SLC24A2: variants seen among roughly 807,000 people sequenced by gnomAD.
SLC24A2 encodes the protein solute carrier family 24 member 2.
A neutral mutation model predicts 62.0 loss-of-function variants in SLC24A2; 36 were observed. That is an observed-to-expected ratio of 0.58 (90% CI 0.44 to 0.77). The LOEUF (loss-of-function observed/expected upper bound fraction) is 0.77, where lower values mean the gene tolerates loss of function less well. Among genes scored for constraint, SLC24A2 ranks in the 30% least tolerant of loss-of-function variants. The pLI is 0.00. For synonymous variants in SLC24A2, 358 were observed against 294.0 expected (o/e 1.22, Z -2.23); for missense variants, 846 against 817.9 (o/e 1.03, Z -0.42).
chr9:20,022,070 C>T, the SLC24A2 span, among the ~76,000 whole-genome samples: 25 of 152,142 alleles, frequency 1.6e-4, no homozygotes, highest in Non-Finnish European at 1.9e-4. Flanking sequence ...ATACATTTTT[C>T]CTTCTTCAAT....
the SLC24A2 span, among the ~76,000 whole-genome samples, chr9:20,104,724 A>G: frequency 2.8e-3 from 428 of 152,310 alleles, no homozygotes; most frequent in African/African-American, 9.7e-3. Flanking sequence ...AGGAACAACC[A>G]GTACCAGCCA....
chr9:19,734,803 C>T (rs151315072), intron 2 of SLC24A2, among the ~76,000 whole-genome samples: 2,159 of 152,004 alleles, frequency 0.014, 23 homozygotes, highest in Non-Finnish European at 0.021. Flanking sequence ...GGTTTTCTAG[C>T]CATATGTAGA....
chr9:20,024,831 G>C, the SLC24A2 span, among the ~76,000 whole-genome samples: 1 of 152,096 alleles, frequency 6.6e-6, no homozygotes, highest in African/African-American at 2.4e-5. Flanking sequence ...AGCCTAAAGA[G>C]ATTTTGGACT....
intron 2 of SLC24A2, among the ~76,000 whole-genome samples, chr9:19,766,652 G>A (rs1438599868): frequency 6.6e-6 from 1 of 152,218 alleles, no homozygotes; most frequent in East Asian, 1.9e-4. Flanking sequence ...ATTGATGCCT[G>A]CTCCTTCTGG....
At chr9:19,667,375 G>A (rs1819284762) in intron 2 of SLC24A2, among the ~76,000 whole-genome samples, 1 of 152,080 alleles carries the variant, frequency 6.6e-6, no homozygotes, top group East Asian at 1.9e-4. Flanking sequence ...TGATTCCATT[G>A]CCCAACCAGA....
chr9:19,989,871 T>A, the SLC24A2 span, among the ~76,000 whole-genome samples: 1 of 152,124 alleles, frequency 6.6e-6, no homozygotes, highest in African/African-American at 2.4e-5. Flanking sequence ...ATTTCCACTA[T>A]AGAAGCAGGT....
At chr9:19,829,066 G>A in the SLC24A2 span, among the ~76,000 whole-genome samples, 8 of 151,826 alleles carry the variant, frequency 5.3e-5, no homozygotes, top group Admixed American at 4.6e-4. Context: ...CCCTTTGCTC[G>A]AACTCCTTTT....
At position 19,544,864 on chromosome 9, in the gene SLC24A2, T is replaced by G. The variant is rs569858771; in HGVS notation, c.1479+5273A>C. On this transcript the variant is annotated intron_variant, in intron 8 of 10. Coordinates refer to ENST00000341998, the MANE Select transcript of SLC24A2 (RefSeq NM_020344.4). Reference sequence around the variant, plus strand: ...CTCTCTGGCTGCCCTTAACAATTTTTCCTTCATTTCAACTTTGGTGAATCT... The same window carrying G: ...CTCTCTGGCTGCCCTTAACAATTTTGCCTTCATTTCAACTTTGGTGAATCT... Among the ~76,000 whole-genome samples the G allele has an allele frequency of 1.2e-3, 182 of 152,336 alleles. 1 individual carries two copies. The highest frequency in any genetic ancestry group is 4.1e-3 in the African/African-American group (171 of 41,586).
At chr9:20,165,101 T>A in the SLC24A2 span, among the ~76,000 whole-genome samples, 1 of 151,534 alleles carries the variant, frequency 6.6e-6, no homozygotes, top group Non-Finnish European at 1.5e-5. Flanking sequence ...AACCTGCACA[T>A]TGTGCACATG....
In SLC24A2 at chr9:19,697,968, A is replaced by G. The variant is rs79435694; in HGVS notation, c.931-75669T>C. On this transcript the variant is annotated intron_variant, in intron 2 of 10. Transcript: ENST00000341998. The stretch of plus-strand genomic sequence containing the variant: ...TAAATATATATTAAGACCATGGCCA[A>G]TAACAAAACAAAACAAAAATGAACA... 9.8e-3 allele frequency among the ~76,000 whole-genome samples: 1,492 copies of G among 152,296 alleles called. 7 individuals carry two copies. The highest frequency in any genetic ancestry group is 0.042 in the South Asian group (203 of 4,822).
rs1836441667 is a variant in SLC24A2, at chr9:19,588,499, TAG to T, written c.1129+8728_1129+8729del. Among the ~76,000 whole-genome samples the T allele has an allele frequency of 3.3e-5, 5 of 152,286 alleles. 1 individual carries two copies. In the South Asian group the frequency reaches 1.0e-3, roughly 32 times the overall value. On this transcript the variant is annotated intron_variant, in intron 5 of 10. Coordinates refer to ENST00000341998, the MANE Select transcript of SLC24A2 (RefSeq NM_020344.4). The stretch of plus-strand genomic sequence containing the variant: ...AGGAAATCGGCCTTGTCATTTAATT[TAG>T]AGAGGTCAAATACCTCTACCATAAC...
chr9:20,228,918 C>A, the SLC24A2 span, among the ~76,000 whole-genome samples: 1 of 152,052 alleles, frequency 6.6e-6, no homozygotes, highest in African/African-American at 2.4e-5. Flanking sequence ...GATGCAGATT[C>A]TTCTAGGAGT....
the SLC24A2 span, among the ~76,000 whole-genome samples, chr9:20,061,582 C>T: frequency 2.0e-5 from 3 of 152,184 alleles, no homozygotes; most frequent in African/African-American, 4.8e-5. Context: ...CCACTGCACT[C>T]AGCCAGTCAA....
the SLC24A2 span, among the ~76,000 whole-genome samples, chr9:20,143,102 T>TA: frequency 2.0e-5 from 3 of 152,236 alleles, no homozygotes; most frequent in African/African-American, 7.2e-5. Flanking sequence ...CTGCTGATTC[T>TA]AAAAATCTGT....
the SLC24A2 span, among the ~76,000 whole-genome samples, chr9:20,229,805 C>A: frequency 4.6e-5 from 7 of 151,752 alleles, no homozygotes; most frequent in Non-Finnish European, 1.0e-4. Flanking sequence ...CATACGTGTA[C>A]ATGTGTCATG....
the SLC24A2 span, among the ~76,000 whole-genome samples, chr9:19,857,757 T>TC: frequency 7.5e-6 from 1 of 132,498 alleles, no homozygotes; most frequent in South Asian, 2.3e-4. Flanking sequence ...TTTTTTTTTT[T>TC]TTTGGTGTGC....
intron 8 of SLC24A2, among the ~76,000 whole-genome samples, chr9:19,545,565 C>A (rs190704093): frequency 1.3e-5 from 2 of 152,166 alleles, no homozygotes; most frequent in East Asian, 3.9e-4. Context: ...GTGAATTTAT[C>A]TACCGTCGGT....
chr9:19,818,587 CT>C, the SLC24A2 span, among the ~76,000 whole-genome samples: 1 of 152,092 alleles, frequency 6.6e-6, no homozygotes, highest in Admixed American at 6.6e-5. Context: ...AAATCAATAA[CT>C]CAACCCCTTT....
the SLC24A2 span, among the ~76,000 whole-genome samples, chr9:19,908,645 A>G: frequency 6.6e-6 from 1 of 152,242 alleles, no homozygotes; most frequent in Non-Finnish European, 1.5e-5. Flanking sequence ...ACAAGAAAAA[A>G]ACAACCCCAT....
Sources: allele counts gnomAD v4.1 joint callset (sites outside exome capture counted in the v4.1 genomes callset), GRCh38; gene constraint gnomAD v4.1.1; transcripts MANE v1.5; gene names NCBI Gene and HGNC (gene_info 2026-07-23, HGNC 2026-07-21).